The following ASAP1 variants were observed in gnomAD, a reference collection of about 807,000 sequenced individuals.
ASAP1 encodes the protein arf-GAP with SH3 domain, ANK repeat and PH domain-containing protein 1.
ASAP1 carries 43 observed loss-of-function variants against 145.2 expected under a neutral mutation model. The observed-to-expected ratio is 0.30, with a 90% CI of 0.23 to 0.38. ASAP1 has a LOEUF of 0.38. ASAP1 is among the 10% of genes least tolerant of loss of function. The pLI, the probability that ASAP1 is intolerant of heterozygous loss-of-function variation, is 1.00. For synonymous variants in ASAP1, 546 were observed against 515.5 expected (o/e 1.06, Z -0.80); for missense variants, 1,018 against 1,355.3 (o/e 0.75, Z 3.91).
At chr8:130,437,316 G>C (rs368515998) in intron 1 of ASAP1, among the ~76,000 whole-genome samples, 4 of 152,166 alleles carry the variant, frequency 2.6e-5, no homozygotes, top group African/African-American at 9.7e-5. Flanking sequence ...CCAGCTCACA[G>C]GTGAGGAACT....
chr8:130,256,739 T>TATATATATATATA lies in ASAP1; in HGVS notation c.187-19746_187-19745insTATATATATATAT, dbSNP rs1565142439. On this transcript the variant is annotated intron_variant, in intron 3 of 29. Transcript: ENST00000518721. The stretch of plus-strand genomic sequence containing the variant: ...ATCTTCTTCCTGAATATACACATTC[T>TATATATATATATA]TATATATATATATATATATATATAT... 2.9e-4 allele frequency among the ~76,000 whole-genome samples: 28 copies of TATATATATATATA among 95,888 alleles called. 1 individual carries two copies. Among genetic ancestry groups the TATATATATATATA allele is most frequent in the Non-Finnish European group, 4.6e-4 (23 of 49,592 alleles). The allele number at this position is 95,888 out of a possible 152,430, so 62.9% of individuals were successfully genotyped here. A position where few individuals can be genotyped will look rare whatever the true frequency, so the allele number is the denominator to read the frequency against.
At chr8:130,080,027 G>C in intron 25 of ASAP1, 56 bp from the exon 26 acceptor site, 2 of 1,493,082 alleles carry the variant, frequency 1.3e-6, no homozygotes, top group East Asian at 4.5e-5. Context: ...AATGCAATGA[G>C]AATACATGGG....
intron 13 of ASAP1, among the ~76,000 whole-genome samples, chr8:130,146,639 T>C (rs921764706): frequency 6.6e-6 from 1 of 152,210 alleles, no homozygotes; most frequent in Non-Finnish European, 1.5e-5. Context: ...GCAATCCATT[T>C]TGCAGGTCTC....
intron 5 of ASAP1, among the ~76,000 whole-genome samples, chr8:130,213,121 G>C (rs1419583443): frequency 3.9e-5 from 6 of 152,040 alleles, no homozygotes; most frequent in Admixed American, 2.6e-4. Flanking sequence ...GAATAAATGA[G>C]GTTTATATAA....
intron 1 of ASAP1, among the ~76,000 whole-genome samples, chr8:130,412,699 T>G (rs1829318999): frequency 1.3e-5 from 2 of 151,946 alleles, no homozygotes; most frequent in Admixed American, 6.6e-5. Context: ...TCACCCAGAC[T>G]AGAGTGCAGT....
intron 1 of ASAP1, among the ~76,000 whole-genome samples, chr8:130,405,663 G>A (rs1156351386): frequency 3.9e-5 from 6 of 152,232 alleles, no homozygotes; most frequent in Non-Finnish European, 7.3e-5. Flanking sequence ...CCTTCAGAGA[G>A]ATGAAGTGTG....
At chr8:130,151,347 G>GGTGAAAGA (rs1273188923) in intron 13 of ASAP1, among the ~76,000 whole-genome samples, 2 of 114,272 alleles carry the variant, frequency 1.8e-5, no homozygotes, top group Non-Finnish European at 3.3e-5. Flanking sequence ...CTCCAGCCTG[G>GGTGAAAGA]GTGAAAGAGC....
At chr8:130,212,927 C>T (rs765447985) in intron 5 of ASAP1, among the ~76,000 whole-genome samples, 5 of 152,196 alleles carry the variant, frequency 3.3e-5, no homozygotes, top group Non-Finnish European at 7.3e-5. Context: ...GACATCAATG[C>T]GAAAACACCC....
chr8:130,081,083 G>A (rs2097479047), intron 25 of ASAP1, among the ~76,000 whole-genome samples: 1 of 152,246 alleles, frequency 6.6e-6, no homozygotes, highest in Admixed American at 6.5e-5. Context: ...AATGTGTAAT[G>A]AGATGAACAT....
chr8:130,376,618 C>T (rs887963811), intron 2 of ASAP1, among the ~76,000 whole-genome samples: 13 of 151,946 alleles, frequency 8.6e-5, no homozygotes, highest in Admixed American at 6.6e-5. Context: ...CCCAGCTACT[C>T]GGGAGGCTGA....
At chr8:130,152,392 C>G (rs996443730) in intron 13 of ASAP1, among the ~76,000 whole-genome samples, 1 of 152,130 alleles carries the variant, frequency 6.6e-6, no homozygotes, top group African/African-American at 2.4e-5. Context: ...TCTACTGTTA[C>G]GTTTCCTACA....
At chr8:130,406,836 A>G (rs1829052370) in intron 1 of ASAP1, among the ~76,000 whole-genome samples, 1 of 152,130 alleles carries the variant, frequency 6.6e-6, no homozygotes, top group Non-Finnish European at 1.5e-5. Flanking sequence ...CTGTACTTAG[A>G]AAATTAGGGA....
At chr8:130,310,527 C>G (rs1418016830) in intron 3 of ASAP1, among the ~76,000 whole-genome samples, 2 of 152,078 alleles carry the variant, frequency 1.3e-5, no homozygotes, top group Non-Finnish European at 2.9e-5. Flanking sequence ...ATAAAAGCAA[C>G]AGCAGTGATA....
chr8:130,306,124 A>G (rs1822977270), intron 3 of ASAP1, among the ~76,000 whole-genome samples: 3 of 152,226 alleles, frequency 2.0e-5, no homozygotes, highest in Admixed American at 2.0e-4. Context: ...GTTAAGCCAT[A>G]AATTTTTCAT....
At chr8:130,159,149 A>G (rs944085143) in intron 12 of ASAP1, among the ~76,000 whole-genome samples, 1 of 152,222 alleles carries the variant, frequency 6.6e-6, no homozygotes, top group African/African-American at 2.4e-5. Context: ...CAGGAGAGAC[A>G]GCAGCAGCTC....
chr8:130,323,654 C>A (rs932596497), intron 3 of ASAP1, among the ~76,000 whole-genome samples: 1 of 152,168 alleles, frequency 6.6e-6, no homozygotes, highest in Non-Finnish European at 1.5e-5. Context: ...AGAATGCAGC[C>A]TCCACTCCTC....
At chr8:130,426,692 A>T (rs1056696003) in intron 1 of ASAP1, among the ~76,000 whole-genome samples, 1 of 152,048 alleles carries the variant, frequency 6.6e-6, no homozygotes, top group African/African-American at 2.4e-5. Flanking sequence ...TTTCTCCCCA[A>T]ACTGCCGTGT....
At chr8:130,270,932 A>G (rs182536432) in intron 3 of ASAP1, among the ~76,000 whole-genome samples, 4 of 152,342 alleles carry the variant, frequency 2.6e-5, no homozygotes, top group African/African-American at 7.2e-5. Context: ...TTCACCCTAC[A>G]GTGTAAGATG....
intron 1 of ASAP1, among the ~76,000 whole-genome samples, chr8:130,415,475 C>G (rs1829436484): frequency 6.6e-6 from 1 of 151,852 alleles, no homozygotes; most frequent in East Asian, 1.9e-4. Flanking sequence ...GACCCTGTCT[C>G]TTAAAAAAAC....
Sources: gnomAD v4.1 joint callset for allele counts (sites outside exome capture counted in the v4.1 genomes callset) on GRCh38, gnomAD v4.1.1 for gene constraint, MANE v1.5 for transcripts, NCBI Gene and HGNC (gene_info 2026-07-23, HGNC 2026-07-21) for gene names.